Variants in MFSD2A observed in about 807,000 individuals in gnomAD.
MFSD2A encodes the protein sodium-dependent lysophosphatidylcholine symporter 1.
In MFSD2A, 27 loss-of-function variants were observed where a neutral mutation model predicts 64.7. The observed-to-expected ratio is 0.42, with a 90% confidence interval of 0.31 to 0.58. The LOEUF is 0.58. MFSD2A is among the 20% of genes least tolerant of loss of function. The pLI is 0.18. For synonymous variants in MFSD2A, 258 were observed against 273.4 expected (o/e 0.94, Z 0.55); for missense variants, 474 against 679.5 (o/e 0.70, Z 3.36).
Position 39,958,884 on chromosome 1 carries a change from C to CT in MFSD2A, c.353+61dup. The CT allele has an allele frequency of 6.6e-7, 1 of 1,508,518 alleles. No homozygotes were observed. 93.4% of individuals were successfully genotyped at this position (1,508,518 alleles called of 1,614,324 possible). On this transcript the variant is annotated intron_variant, in intron 3 of 13. Coordinates refer to ENST00000372811, the MANE Select transcript of MFSD2A (RefSeq NM_032793.5). The surrounding 1 kb of genome is among the most constrained non-coding windows in gnomAD (Gnocchi z 4.7). ...GGCAGGACTTCCAGCATATCTGCTC[C>CT]TTGGTCCTTCTCTCTGTCTTGTCAC...
At chr1:39,961,872 C>T (rs755222926) in intron 3 of MFSD2A, among the ~76,000 whole-genome samples, 1 of 152,126 alleles carries the variant, frequency 6.6e-6, no homozygotes, top group African/African-American at 2.4e-5. Flanking sequence ...GTGTGAGAGA[C>T]CAGATGTCAA....
At position 39,968,057 on chromosome 1, in the gene MFSD2A, G is replaced by T; in HGVS notation, c.1208+141G>T. 1.6e-6 allele frequency: 1 copy of T among 640,130 alleles called. No individual in the cohort carries two copies. The highest frequency in any genetic ancestry group is 2.7e-6 in the Non-Finnish European group (1 of 371,170). 39.7% of individuals were successfully genotyped at this position (640,130 alleles called of 1,614,324 possible). ...GTTAGGAGTGGGGGAGGTCTGTCCTGTACAGTTGTACAGGTAGTGAGCTTT... is the reference window on the plus strand; with the variant it reads ...GTTAGGAGTGGGGGAGGTCTGTCCTTTACAGTTGTACAGGTAGTGAGCTTT... On this transcript the variant is annotated intron_variant, in intron 11 of 13. Coordinates refer to ENST00000372811, the MANE Select transcript of MFSD2A (RefSeq NM_032793.5). This position sits in a 1 kb window ranked among gnomAD's most constrained non-coding sequence, Gnocchi z 4.4.
chr1:39,962,318 C>T (rs1645061534), intron 3 of MFSD2A, among the ~76,000 whole-genome samples: 1 of 152,236 alleles, frequency 6.6e-6, no homozygotes, highest in Non-Finnish European at 1.5e-5. Context: ...CTCATTCAGG[C>T]CTTTGGCATG....
In MFSD2A at chr1:39,958,606, C is replaced by T. The variant is rs898049640; in HGVS notation, c.229-95C>T. The T allele has an allele frequency of 6.2e-7, 1 of 1,604,840 alleles. No homozygotes were observed. Among genetic ancestry groups the T allele is most frequent in the African/African-American group, 1.3e-5 (1 of 74,682 alleles). Reference sequence around the variant, plus strand: ...GCAGCTCAGGGTCACAAGATCCTGGCTGAGATAGGGAGGGAGCCTCTGCTT... The same window carrying T: ...GCAGCTCAGGGTCACAAGATCCTGGTTGAGATAGGGAGGGAGCCTCTGCTT... On this transcript the variant is annotated intron_variant, in intron 2 of 13. Coordinates refer to ENST00000372811, the MANE Select transcript of MFSD2A (RefSeq NM_032793.5). This position sits in a 1 kb window ranked among gnomAD's most constrained non-coding sequence, Gnocchi z 4.7.
rs893194571 is a variant in MFSD2A at position 39,955,451 on chromosome 1, C to T, written c.93+66C>T. The T allele has an allele frequency of 2.0e-6, 3 of 1,468,548 alleles. No individual in the cohort carries two copies. Among genetic ancestry groups the T allele is most frequent in the Non-Finnish European group, 2.8e-6 (3 of 1,086,866 alleles). The allele number at this position is 1,468,548 out of a possible 1,614,324, so 91.0% of individuals were successfully genotyped here. ...GGAGGCGGAAATGGGGGATCAGGGG[C>T]GTCCCGGGGTCGGCCTGGTCAGGGG... On this transcript the variant is annotated intron_variant, in intron 1 of 13. Transcript: ENST00000372811. This position sits in a 1 kb window ranked among gnomAD's most constrained non-coding sequence, Gnocchi z 5.9.
chr1:39,965,227 C>T lies in MFSD2A; in HGVS notation c.370C>T (p.Pro124Ser). ...CTTCCTCAGGATCATCTTCTCCACGCCCCTGGCCGTCATTGCCTACTTCCT... is the reference window on the plus strand; with the variant it reads ...CTTCCTCAGGATCATCTTCTCCACGTCCCTGGCCGTCATTGCCTACTTCCT... ...RLMPWIIFST[P>S]LAVIAYFLIW... Residue 124 changes from proline to serine, a missense_variant, in exon 4 of 14, where the codon CCC becomes TCC. Coordinates refer to ENST00000372811, the MANE Select transcript of MFSD2A (RefSeq NM_032793.5). The surrounding 1 kb of genome is among the most constrained non-coding windows in gnomAD (Gnocchi z 5.5). 1 of 1,614,158 alleles carries T rather than the reference C, an allele frequency of 6.2e-7. No individual in the cohort carries two copies. The highest frequency in any genetic ancestry group is 8.5e-7 in the Non-Finnish European group (1 of 1,180,048).
intron 3 of MFSD2A, chr1:39,962,841 G>C: frequency 6.6e-7 from 1 of 1,518,364 alleles, no homozygotes; most frequent in Non-Finnish European, 8.9e-7. Context: ...CTTTTTCCTG[G>C]GGGCCTCTCT....
rs1424874183 is a variant in MFSD2A, at chr1:39,955,686, G to A, written c.93+301G>A. 1 of 616,460 alleles carries A rather than the reference G, an allele frequency of 1.6e-6. No homozygotes were observed. Among genetic ancestry groups the A allele is most frequent in the African/African-American group, 1.8e-5 (1 of 55,496 alleles). 38.2% of individuals were successfully genotyped at this position (616,460 alleles called of 1,614,324 possible). ...CCATTCTTCCGTGTTGAGCGGCTGG[G>A]GCTTGCCGCCCCAAACCCCAGAGAT... On this transcript the variant is annotated intron_variant, in intron 1 of 13. Transcript: ENST00000372811. The surrounding 1 kb of genome is among the most constrained non-coding windows in gnomAD (Gnocchi z 5.9).
Position 39,955,345 on chromosome 1 carries a change from C to T in MFSD2A, c.53C>T (p.Thr18Ile). ...GGCTCCGCGGCGGGGCTGCTACCCA[C>T]CAGCATCCTCCAAAGCACTGAACGC... ...ESGSAAGLLPTSILQSTERPA... is the reference protein window; with the variant it reads ...ESGSAAGLLPISILQSTERPA... Residue 18 changes from threonine to isoleucine, a missense_variant, in exon 1 of 14, where the codon ACC becomes ATC. By Grantham distance (89) the Thr-to-Ile change is moderately conservative. Coordinates refer to ENST00000372811, the MANE Select transcript of MFSD2A (RefSeq NM_032793.5). The surrounding 1 kb of genome is among the most constrained non-coding windows in gnomAD (Gnocchi z 5.9). The T allele has an allele frequency of 6.8e-7, 1 of 1,462,722 alleles. No homozygotes were observed. Among genetic ancestry groups the T allele is most frequent in the Non-Finnish European group, 9.0e-7 (1 of 1,106,166 alleles). The allele number at this position is 1,462,722 out of a possible 1,614,324, so 90.6% of individuals were successfully genotyped here. A position where few individuals can be genotyped will look rare whatever the true frequency, so the allele number is the denominator to read the frequency against.
In MFSD2A at chr1:39,965,276, C is replaced by A; in HGVS notation, c.419C>A (p.Pro140Gln). The change falls in exon 4 of 14, where the codon CCA (proline) becomes CAA (glutamine). Residue 140 changes from proline to glutamine, a missense_variant. Transcript: ENST00000372811. The surrounding 1 kb of genome is among the most constrained non-coding windows in gnomAD (Gnocchi z 5.5). ...YFLIWFVPDF[P>Q]HGQTYWYLLF... is the part of the protein sequence containing the mutation. ...CTCATCTGGTTCGTGCCCGACTTCC[C>A]ACACGGCCAGACCTATTGGTACCTG... 1 of 1,614,154 alleles carries A rather than the reference C, an allele frequency of 6.2e-7. No individual in the cohort carries two copies. The highest frequency in any genetic ancestry group is 8.5e-7 in the Non-Finnish European group (1 of 1,180,014).
At chr1:39,959,226 C>T (rs1230069004) in intron 3 of MFSD2A, among the ~76,000 whole-genome samples, 1 of 151,324 alleles carries the variant, frequency 6.6e-6, no homozygotes, top group Non-Finnish European at 1.5e-5. Flanking sequence ...CTTTCTTTCT[C>T]TTTCTTTCTT....
rs1213934616 is a variant in MFSD2A, at chr1:39,963,798, G to T, written c.354-1413G>T. ...TCACCAGGCTGGAGTGCAGTGGTGC[G>T]ATCTCGGCTCACTGCAACCTCTGCC... On this transcript the variant is annotated intron_variant, in intron 3 of 13. Transcript: ENST00000372811. This position sits in a 1 kb window ranked among gnomAD's most constrained non-coding sequence, Gnocchi z 4.2. Among the ~76,000 whole-genome samples, 1 of 152,182 alleles carries T rather than the reference G, an allele frequency of 6.6e-6. No homozygotes were observed. Among genetic ancestry groups the T allele is most frequent in the African/African-American group, 2.4e-5 (1 of 41,444 alleles).
At chr1:39,967,236 G>A in intron 9 of MFSD2A, 67 bp downstream of exon 9, 4 of 1,393,582 alleles carry the variant, frequency 2.9e-6, no homozygotes, top group East Asian at 4.6e-5. Context: ...AATGGTTCTT[G>A]GAATAGGCAG....
rs1346728878 is a variant in MFSD2A at position 39,965,135 on chromosome 1, G to A, written c.354-76G>A. The A allele has an allele frequency of 1.3e-6, 2 of 1,589,382 alleles. No homozygotes were observed. The highest frequency in any genetic ancestry group is 1.7e-6 in the Non-Finnish European group (2 of 1,164,662). On this transcript the variant is annotated intron_variant, in intron 3 of 13. Coordinates refer to ENST00000372811, the MANE Select transcript of MFSD2A (RefSeq NM_032793.5). This position sits in a 1 kb window ranked among gnomAD's most constrained non-coding sequence, Gnocchi z 5.5. Reference sequence around the variant, plus strand: ...GCTTCCTTCCCTGTGGGGACCCTGTGAGGCACAGCAGACTGGGCTGGGCCT... The same window carrying A: ...GCTTCCTTCCCTGTGGGGACCCTGTAAGGCACAGCAGACTGGGCTGGGCCT...
rs1290957465 is a variant in MFSD2A, at chr1:39,964,677, G to C, written c.354-534G>C. 6.4e-6 allele frequency: 1 copy of C among 155,156 alleles called. No homozygotes were observed. The highest frequency in any genetic ancestry group is 1.9e-4 in the East Asian group (1 of 5,244). 9.6% of individuals were successfully genotyped at this position (155,156 alleles called of 1,614,324 possible). A position where few individuals can be genotyped will look rare whatever the true frequency, so the allele number is the denominator to read the frequency against. Reference sequence around the variant, plus strand: ...GTGTGTGTGTGTGAATGGGGTGTGTGAAGTGTGTATGTGAATGGGGGTGTG... The same window carrying C: ...GTGTGTGTGTGTGAATGGGGTGTGTCAAGTGTGTATGTGAATGGGGGTGTG... On this transcript the variant is annotated intron_variant, in intron 3 of 13. Transcript: ENST00000372811. This position sits in a 1 kb window ranked among gnomAD's most constrained non-coding sequence, Gnocchi z 4.1.
rs1426852316 is a variant in MFSD2A at position 39,965,629 on chromosome 1, G to C, written c.556+80G>C. 3 of 1,454,342 alleles carry C rather than the reference G, an allele frequency of 2.1e-6. No homozygotes were observed. Among genetic ancestry groups the C allele is most frequent in the Non-Finnish European group, 2.9e-6 (3 of 1,037,244 alleles). 90.1% of individuals were successfully genotyped at this position (1,454,342 alleles called of 1,614,324 possible). Reference sequence around the variant, plus strand: ...TCTTCCCTTGCGGGTCCAGCTCTTTGCTCTGCTCTAGAGTGTGGGTGTGAA... The same window carrying C: ...TCTTCCCTTGCGGGTCCAGCTCTTTCCTCTGCTCTAGAGTGTGGGTGTGAA... On this transcript the variant is annotated intron_variant, in intron 5 of 13. Transcript: ENST00000372811. This position sits in a 1 kb window ranked among gnomAD's most constrained non-coding sequence, Gnocchi z 5.5.
intron 1 of MFSD2A, among the ~76,000 whole-genome samples, chr1:39,956,284 T>A (rs1026104320): frequency 2.0e-5 from 3 of 152,198 alleles, no homozygotes; most frequent in Non-Finnish European, 2.9e-5. Context: ...AAGCTCTGGC[T>A]GCCTATAGTG....
At chr1:39,961,613 C>T (rs1557632850) in intron 3 of MFSD2A, among the ~76,000 whole-genome samples, 1 of 152,160 alleles carries the variant, frequency 6.6e-6, no homozygotes, top group Non-Finnish European at 1.5e-5. Context: ...TCCCAAAGTG[C>T]TGGGATTACA....
In MFSD2A at chr1:39,965,143, G is replaced by A; in HGVS notation, c.354-68G>A. ...CCCTGTGGGGACCCTGTGAGGCACAGCAGACTGGGCTGGGCCTGGTCCTGG... is the reference window on the plus strand; with the variant it reads ...CCCTGTGGGGACCCTGTGAGGCACAACAGACTGGGCTGGGCCTGGTCCTGG... On this transcript the variant is annotated intron_variant, in intron 3 of 13. Coordinates refer to ENST00000372811, the MANE Select transcript of MFSD2A (RefSeq NM_032793.5). The surrounding 1 kb of genome is among the most constrained non-coding windows in gnomAD (Gnocchi z 5.5). 1 of 1,602,062 alleles carries A rather than the reference G, an allele frequency of 6.2e-7. No homozygotes were observed. Among genetic ancestry groups the A allele is most frequent in the South Asian group, 1.1e-5 (1 of 90,228 alleles).
Sources: allele counts gnomAD v4.1 joint callset (sites outside exome capture counted in the v4.1 genomes callset), GRCh38; gene constraint gnomAD v4.1.1; non-coding constraint Gnocchi (gnomAD v3.1); transcripts MANE v1.5; gene names NCBI Gene and HGNC (gene_info 2026-07-23, HGNC 2026-07-21).